The following FAM184A variants were observed in gnomAD, a reference collection of about 807,000 sequenced individuals.
FAM184A encodes the protein protein FAM184A.
In FAM184A, 99 loss-of-function variants were observed where a neutral mutation model predicts 143.8. The ratio of observed to expected loss-of-function variants is 0.69; its 90% CI spans 0.58 to 0.81. FAM184A has a LOEUF of 0.81. FAM184A is among the 40% of genes least tolerant of loss of function. The pLI is 0.00. For synonymous variants in FAM184A, 427 were observed against 446.4 expected, an observed-to-expected ratio of 0.96 and a Z score of 0.55; for missense variants, 1,217 against 1,310.5, an observed-to-expected ratio of 0.93 and a Z score of 1.10.
At chr6:119,133,774 A>G (rs1360851250) in intron 1 of FAM184A, among the ~76,000 whole-genome samples, 2 of 151,988 alleles carry the variant, frequency 1.3e-5, no homozygotes, top group East Asian at 3.9e-4. Flanking sequence ...TGTCTCTTAC[A>G]AGTACACAGG....
intron 9 of FAM184A, among the ~76,000 whole-genome samples, chr6:118,985,820 C>T (rs1366820144): frequency 6.6e-6 from 1 of 152,124 alleles, no homozygotes; most frequent in Non-Finnish European, 1.5e-5. Flanking sequence ...CTGAGCAGAT[C>T]TCAGGAAAAA....
At chr6:118,971,375 A>G (rs923258964) in intron 14 of FAM184A, among the ~76,000 whole-genome samples, 8 of 152,256 alleles carry the variant, frequency 5.3e-5, no homozygotes, top group African/African-American at 1.9e-4. Context: ...AAATCTAAGT[A>G]TAGAAACTCA....
Position 118,975,024 on chromosome 6 carries a change from C to T in FAM184A, c.2768G>A (p.Arg923Lys), listed in dbSNP as rs773876882. 3.1e-6 allele frequency: 5 copies of T among 1,609,662 alleles called. No individual in the cohort carries two copies. Among genetic ancestry groups the T allele is most frequent in the Non-Finnish European group, 4.2e-6 (5 of 1,177,238 alleles). Reference sequence around the variant, plus strand: ...CCTTCTGTTGTACTTAATGGCATACCTTATCTGTTGGTTAGATTCACTTCG... The same window carrying T: ...CCTTCTGTTGTACTTAATGGCATACTTTATCTGTTGGTTAGATTCACTTCG... ...RIRSESNQQI[R>K]LHEQDLNKRL... The change falls in exon 13 of 18, where the codon AGG becomes AAG. Residue 923 changes from arginine (R) to lysine (K), a missense_variant and splice_region_variant. Coordinates refer to ENST00000338891, the MANE Select transcript of FAM184A (RefSeq NM_024581.6).
At chr6:119,090,549 C>G (rs1298872653) in intron 1 of FAM184A, among the ~76,000 whole-genome samples, 4 of 152,310 alleles carry the variant, frequency 2.6e-5, no homozygotes, top group African/African-American at 9.6e-5. Context: ...ACAATCTATC[C>G]CTTACCTTTC....
chr6:119,006,658 A>G, intron 6 of FAM184A, 50 bp from the exon 7 acceptor site: 1 of 1,350,988 alleles, frequency 7.4e-7, no homozygotes, highest in African/African-American at 1.5e-5. Flanking sequence ...ATAGAATAGC[A>G]AAATAGTCTT....
intron 14 of FAM184A, among the ~76,000 whole-genome samples, chr6:118,967,674 G>C (rs1783543764): frequency 6.6e-6 from 1 of 152,040 alleles, no homozygotes; most frequent in African/African-American, 2.4e-5. Context: ...TATAGGATGG[G>C]GCAGACTGAA....
intron 1 of FAM184A, among the ~76,000 whole-genome samples, chr6:119,136,134 C>CGGGG (rs1789654314): frequency 6.7e-6 from 1 of 149,330 alleles, no homozygotes; most frequent in African/African-American, 2.5e-5. Context: ...AAAAATTAGC[C>CGGGG]GGGCGCGGTG....
intron 9 of FAM184A, among the ~76,000 whole-genome samples, chr6:118,980,936 G>T (rs1784001878): frequency 6.6e-6 from 1 of 152,162 alleles, no homozygotes; most frequent in African/African-American, 2.4e-5. Context: ...AGATACATCA[G>T]TTTATAATTT....
At position 119,078,174 on chromosome 6, in the gene FAM184A, C is replaced by A; in HGVS notation, c.126G>T (p.Leu42=). 6.3e-7 allele frequency: 1 copy of A among 1,593,174 alleles called. No individual in the cohort carries two copies. The highest frequency in any genetic ancestry group is 8.5e-7 in the Non-Finnish European group (1 of 1,171,584). ...GCTGGGCGATTTTCTTGCTCATTTT[C>A]AGGTGCATCTCCTGGCTGTAGTCCA... is the stretch of plus-strand genomic sequence containing the variant. ...HSMDYSQEMH[L]KMSKKIAQLT... Residue 42 remains leucine, a synonymous_variant, in exon 1 of 18, where the codon CTG becomes CTT. Transcript: ENST00000338891. The surrounding 1 kb of genome is among the most constrained non-coding windows in gnomAD (Gnocchi z 5.5).
intron 1 of FAM184A, among the ~76,000 whole-genome samples, chr6:119,122,403 G>T (rs1562159326): frequency 6.6e-6 from 1 of 152,148 alleles, no homozygotes; most frequent in Non-Finnish European, 1.5e-5. Context: ...TTTTTACAAA[G>T]GGTTGTAGCC....
upstream of FAM184A, among the ~76,000 whole-genome samples, chr6:119,080,496 G>A (rs543316257): frequency 6.6e-4 from 101 of 152,170 alleles, no homozygotes; most frequent in Admixed American, 4.1e-3. Flanking sequence ...TTTTCCCCAC[G>A]ACAATGGGAT....
At chr6:119,021,505 G>A (rs1785447717) in intron 3 of FAM184A, among the ~76,000 whole-genome samples, 1 of 152,152 alleles carries the variant, frequency 6.6e-6, no homozygotes, top group Admixed American at 6.5e-5. Flanking sequence ...TTTAAAATGT[G>A]TATTTTTTCA....
chr6:119,003,467 C>G, intron 8 of FAM184A, 34 bp downstream of exon 8: 1 of 1,590,236 alleles, frequency 6.3e-7, no homozygotes, highest in Non-Finnish European at 8.6e-7. Flanking sequence ...TCTTGCATGT[C>G]TTTATTGATA....
At chr6:119,009,177 C>G (rs998141498) in intron 6 of FAM184A, among the ~76,000 whole-genome samples, 5 of 152,148 alleles carry the variant, frequency 3.3e-5, no homozygotes, top group Non-Finnish European at 7.3e-5. Context: ...CTATATAAAA[C>G]AAAGTCTGGG....
At chr6:119,029,714 A>C (rs1785799690) in intron 1 of FAM184A, among the ~76,000 whole-genome samples, 1 of 152,236 alleles carries the variant, frequency 6.6e-6, no homozygotes, top group South Asian at 2.1e-4. Flanking sequence ...AAATAATTTA[A>C]AAAATATTAT....
intron 7 of FAM184A, chr6:119,005,946 C>T (rs1194213789): frequency 5.2e-6 from 3 of 578,702 alleles, no homozygotes; most frequent in Admixed American, 2.4e-5. Context: ...CAATTGTTAT[C>T]GGTTGAACTG....
intron 1 of FAM184A, among the ~76,000 whole-genome samples, chr6:119,094,905 A>G (rs1788466595): frequency 6.6e-6 from 1 of 152,170 alleles, no homozygotes. Flanking sequence ...TGAACAATTT[A>G]TCCCCTGGCA....
At chr6:119,146,824 C>A (rs1009380988) in intron 1 of FAM184A, among the ~76,000 whole-genome samples, 1 of 152,044 alleles carries the variant, frequency 6.6e-6, no homozygotes, top group Admixed American at 6.6e-5. Flanking sequence ...GTCACCCTCT[C>A]CCCTGGTGCA....
At chr6:119,053,965 C>T (rs559774373) in intron 1 of FAM184A, among the ~76,000 whole-genome samples, 33 of 151,994 alleles carry the variant, frequency 2.2e-4, no homozygotes, top group Non-Finnish European at 3.1e-4. Flanking sequence ...TTTAATGAGA[C>T]GAATATTACG....
Sources: gnomAD v4.1 joint callset for allele counts (sites outside exome capture counted in the v4.1 genomes callset) on GRCh38, gnomAD v4.1.1 for gene constraint, Gnocchi (gnomAD v3.1) non-coding constraint, MANE v1.5 for transcripts, NCBI Gene and HGNC (gene_info 2026-07-23, HGNC 2026-07-21) for gene names.